Variants in PCDH19 observed in about 807,000 individuals in gnomAD.
PCDH19 encodes the protein protocadherin 19, also known as protocadherin-19.
A neutral mutation model predicts 46.2 loss-of-function variants in PCDH19; 6 were observed. The observed-to-expected ratio is 0.13, with a 90% CI of 0.07 to 0.26. The LOEUF (loss-of-function observed/expected upper bound fraction) is 0.26. PCDH19 is among the 10% of genes least tolerant of loss of function. PCDH19 has a pLI of 1.00. For missense variants in PCDH19, 740 were observed against 972.3 expected (o/e 0.76, Z 3.18); for synonymous variants, 481 against 415.7 (o/e 1.16, Z -1.91).
chrX:100,396,510 G>A (rs1928029614), intron 3 of PCDH19, among the ~76,000 whole-genome samples: 1 of 111,735 alleles, frequency 8.9e-6, no homozygotes, highest in Non-Finnish European at 1.9e-5. Flanking sequence ...CAGCCCCTTG[G>A]GGAGAAAAAT....
intron 5 of PCDH19, among the ~76,000 whole-genome samples, chrX:100,319,104 T>C (rs1925399494): frequency 9.0e-6 from 1 of 111,201 alleles, no homozygotes; most frequent in Non-Finnish European, 1.9e-5. Context: ...GAATGAGGCG[T>C]TTGGGGTGGG....
At chrX:100,296,933 T>C in intron 5 of PCDH19, 58 bp from the exon 6 acceptor site, 1 of 1,044,095 alleles carries the variant, frequency 9.6e-7, no homozygotes, top group Non-Finnish European at 1.3e-6. Context: ...TCACTGTTAC[T>C]CCCCAGTGTT....
At chrX:100,373,393 T>C (rs1174161433) in intron 3 of PCDH19, among the ~76,000 whole-genome samples, 1 of 112,884 alleles carries the variant, frequency 8.9e-6, no homozygotes, top group African/African-American at 3.2e-5. Context: ...GTGAACAACA[T>C]TTACTCTGAA....
intron 5 of PCDH19, among the ~76,000 whole-genome samples, chrX:100,324,239 C>A (rs773964870): frequency 8.9e-6 from 1 of 112,172 alleles, no homozygotes; most frequent in African/African-American, 3.2e-5. Flanking sequence ...ACTTGGTAGA[C>A]CTTCACTGGT....
intron 5 of PCDH19, among the ~76,000 whole-genome samples, chrX:100,299,311 G>A (rs1924706658): frequency 8.9e-6 from 1 of 112,171 alleles, no homozygotes; most frequent in Admixed American, 9.4e-5. Context: ...CAGTAGTGAA[G>A]TACAATTGAG....
rs780266148 is a variant in PCDH19, at chrX:100,408,055, G to T, written c.543C>A (p.Arg181=). 5 of 1,208,051 alleles carry T rather than the reference G, an allele frequency of 4.1e-6. No individual in the cohort carries two copies. In the East Asian group the frequency reaches 1.2e-4, roughly 29 times the overall value. ...NELFGLEIKT[R]GDGSRFAELV... is the part of the protein sequence containing the mutation. ...GTTCGGCAAAGCGGGAGCCGTCGCC[G>T]CGCGTCTTGATCTCCAGGCCGAACA... The change falls in exon 1 of 6, where the codon CGC becomes CGA. Residue 181 remains arginine (R), a synonymous_variant. Coordinates refer to ENST00000373034, the MANE Select transcript of PCDH19 (RefSeq NM_001184880.2).
At chrX:100,301,190 A>G (rs1030793421) in intron 5 of PCDH19, among the ~76,000 whole-genome samples, 1 of 111,868 alleles carries the variant, frequency 8.9e-6, no homozygotes, top group South Asian at 3.8e-4. Flanking sequence ...ATAAAAGAAA[A>G]TGATGAAAAC....
chrX:100,306,752 C>T (rs1336189341), intron 5 of PCDH19, among the ~76,000 whole-genome samples: 1 of 109,725 alleles, frequency 9.1e-6, no homozygotes, highest in Non-Finnish European at 1.9e-5. Flanking sequence ...CACAGAGAAA[C>T]AGAAGATTAT....
intron 5 of PCDH19, among the ~76,000 whole-genome samples, chrX:100,322,579 G>A (rs1381242625): frequency 9.3e-6 from 1 of 107,932 alleles, no homozygotes; most frequent in African/African-American, 3.4e-5. Flanking sequence ...GGCTACGCAG[G>A]CTCTTTTTTG....
intron 3 of PCDH19, among the ~76,000 whole-genome samples, chrX:100,363,741 A>ATTTATATATATAT (rs1926979989): frequency 1.0e-5 from 1 of 99,285 alleles, no homozygotes; most frequent in Non-Finnish European, 2.0e-5. Flanking sequence ...TATATATATA[A>ATTTATATATATAT]ATAATATATA....
At chrX:100,397,445 C>T (rs1928057405) in intron 3 of PCDH19, among the ~76,000 whole-genome samples, 1 of 111,853 alleles carries the variant, frequency 8.9e-6, no homozygotes, top group African/African-American at 3.3e-5. Context: ...AAAGAAACTA[C>T]AGTTTGCTGA....
intron 3 of PCDH19, among the ~76,000 whole-genome samples, chrX:100,355,276 A>T (rs1926677539): frequency 9.0e-6 from 1 of 111,729 alleles, no homozygotes; most frequent in Non-Finnish European, 1.9e-5. Flanking sequence ...AAAATAGGGT[A>T]TAAAAAACAT....
rs187095456 is a variant in PCDH19, at chrX:100,352,741, C to A, written c.2617-2037G>T. 2.9e-3 allele frequency among the ~76,000 whole-genome samples: 321 copies of A among 111,801 alleles called. 2 individuals are homozygous for A. The highest frequency in any genetic ancestry group is 1.0e-2 in the African/African-American group (307 of 30,838). ...TGTGATGTGCCTACTCCCCCTTAAC[C>A]TTCCACCATGATTGTAAGTTTCCTT... On this transcript the variant is annotated intron_variant, in intron 3 of 5. Coordinates refer to ENST00000373034, the MANE Select transcript of PCDH19 (RefSeq NM_001184880.2).
intron 5 of PCDH19, among the ~76,000 whole-genome samples, chrX:100,324,454 C>G (rs1925617029): frequency 1.8e-5 from 2 of 111,899 alleles, no homozygotes; most frequent in Non-Finnish European, 3.8e-5. Context: ...CATTACAGAT[C>G]CATTGGCAAA....
chrX:100,363,739 T>A (rs1254472203), intron 3 of PCDH19, among the ~76,000 whole-genome samples: 3 of 99,666 alleles, frequency 3.0e-5, no homozygotes, highest in Non-Finnish European at 6.0e-5. Flanking sequence ...TTTATATATA[T>A]AAATAATATA....
chrX:100,396,013 A>G (rs1451931724), intron 3 of PCDH19, among the ~76,000 whole-genome samples: 1 of 111,738 alleles, frequency 8.9e-6, no homozygotes, highest in Non-Finnish European at 1.9e-5. Context: ...TCCGTGGGGG[A>G]AAATGGCTGC....
Position 100,406,657 on chromosome X carries a change from G to C in PCDH19, c.1941C>G (p.His647Gln). ...SYELIVVAHD[H>Q]GKTSLSASAL... ...CAGAGGCAGAGAGAGATGTCTTGCC[G>C]TGGTCGTGAGCCACCACGATAAGCT... Residue 647 changes from histidine to glutamine, a missense_variant, in exon 1 of 6, where the codon CAC becomes CAG. Transcript: ENST00000373034. 1.7e-6 allele frequency: 2 copies of C among 1,211,542 alleles called. No homozygotes were observed. Among genetic ancestry groups the C allele is most frequent in the Non-Finnish European group, 2.2e-6 (2 of 895,332 alleles).
intron 3 of PCDH19, among the ~76,000 whole-genome samples, chrX:100,365,915 C>T (rs1927058397): frequency 8.9e-6 from 1 of 112,039 alleles, no homozygotes; most frequent in Non-Finnish European, 1.9e-5. Flanking sequence ...AAACCTAATA[C>T]TCAAAGTCTT....
At chrX:100,307,109 C>T (rs1383472038) in intron 5 of PCDH19, among the ~76,000 whole-genome samples, 1 of 111,594 alleles carries the variant, frequency 9.0e-6, no homozygotes, top group African/African-American at 3.3e-5. Context: ...AAGAAAGCTA[C>T]AGACCAATAT....
Sources: gnomAD v4.1 joint callset for allele counts (sites outside exome capture counted in the v4.1 genomes callset) on GRCh38, gnomAD v4.1.1 for gene constraint, MANE v1.5 for transcripts, NCBI Gene and HGNC (gene_info 2026-07-23, HGNC 2026-07-21) for gene names.